ASTN2: variants seen among roughly 807,000 people sequenced by gnomAD.
ASTN2 encodes astrotactin 2.
A neutral mutation model predicts 139.8 loss-of-function variants in ASTN2; 54 were observed. The ratio of observed to expected loss-of-function variants is 0.39; its 90% CI spans 0.31 to 0.48. ASTN2 has a LOEUF of 0.48. Ranked by LOEUF, ASTN2 falls within the 20% of genes least tolerant of loss-of-function variation. The pLI is 0.95. For missense variants in ASTN2, 1,565 were observed against 1,725.1 expected, an observed-to-expected ratio of 0.91 and a Z score of 1.64; for synonymous variants, 756 against 719.5, an observed-to-expected ratio of 1.05 and a Z score of -0.81.
At position 117,009,019 on chromosome 9, in the gene ASTN2, C is replaced by G. The variant is rs752580005; in HGVS notation, c.1424-760G>C. ...CCAAGAAAAAAATGCCCTGATGTGG[C>G]AAAACAATAGGGAGAAGGAGAAGGT... On this transcript the variant is annotated intron_variant, in intron 6 of 22. Coordinates refer to ENST00000313400, the MANE Select transcript of ASTN2 (RefSeq NM_001365068.1). Among the ~76,000 whole-genome samples the G allele has an allele frequency of 3.5e-4, 54 of 152,180 alleles. 1 individual carries two copies. Among genetic ancestry groups the G allele is most frequent in the Admixed American group, 2.0e-4 (3 of 15,288 alleles).
intron 10 of ASTN2, among the ~76,000 whole-genome samples, chr9:116,934,729 G>A (rs1588423378): frequency 1.3e-5 from 2 of 152,146 alleles, no homozygotes; most frequent in Admixed American, 1.3e-4. Context: ...GTTTACCTAT[G>A]TAACAAACCT....
In ASTN2 at chr9:116,559,547, T is replaced by A. The variant is rs1021035188; in HGVS notation, c.3355+58777A>T. ...TGTCTAACTGCAGAAGTAGGAAGTATGATGATGGGGATGTTGTCTGTGAAT... is the reference window on the plus strand; with the variant it reads ...TGTCTAACTGCAGAAGTAGGAAGTAAGATGATGGGGATGTTGTCTGTGAAT... On this transcript the variant is annotated intron_variant, in intron 19 of 22. Transcript: ENST00000313400. Among the ~76,000 whole-genome samples, 5 of 152,304 alleles carry A rather than the reference T, an allele frequency of 3.3e-5. No homozygotes were observed. The East Asian group carries it at 7.7e-4, about 24-fold the overall frequency.
intron 6 of ASTN2, among the ~76,000 whole-genome samples, chr9:117,036,376 T>C (rs1838385071): frequency 6.6e-6 from 1 of 152,218 alleles, no homozygotes; most frequent in Non-Finnish European, 1.5e-5. Context: ...TTTTCTTTTG[T>C]ATTAATTATA....
chr9:116,999,513 T>C (rs1837124104), intron 7 of ASTN2, among the ~76,000 whole-genome samples: 1 of 151,634 alleles, frequency 6.6e-6, no homozygotes, highest in Non-Finnish European at 1.5e-5. Context: ...TTAGTAATTA[T>C]TTTCTTTCTT....
At chr9:116,816,313 A>G (rs971089542) in intron 12 of ASTN2, among the ~76,000 whole-genome samples, 14 of 152,154 alleles carry the variant, frequency 9.2e-5, no homozygotes, top group Non-Finnish European at 7.4e-5. Flanking sequence ...GACTGGTTCT[A>G]AGGATTTATT....
intron 6 of ASTN2, among the ~76,000 whole-genome samples, chr9:117,037,829 G>T (rs1352053839): frequency 1.3e-5 from 2 of 151,976 alleles, no homozygotes; most frequent in Non-Finnish European, 2.9e-5. Context: ...CCACTTCCAG[G>T]TTCTGACAAT....
rs143295727 is a variant in ASTN2, at chr9:116,573,013, G to GCACACA, written c.3355+45305_3355+45310dup. Among the ~76,000 whole-genome samples the GCACACA allele has an allele frequency of 3.5e-3, 478 of 136,928 alleles. 4 individuals carry two copies. The highest frequency in any genetic ancestry group is 0.011 in the South Asian group (49 of 4,520). The allele number at this position is 136,928 out of a possible 152,430, so 89.8% of individuals were successfully genotyped here. ...CATGCGTGCACACATGTGGGTACAT[G>GCACACA]CACACACACACACACACACACATAT... On this transcript the variant is annotated intron_variant, in intron 19 of 22. Transcript: ENST00000313400.
intron 19 of ASTN2, chr9:116,547,345 T>C (rs1004333132): frequency 2.6e-5 from 4 of 152,278 alleles, no homozygotes; most frequent in African/African-American, 9.6e-5. Context: ...AGCATCAATT[T>C]ACAGAGGAGG....
Position 117,220,255 on chromosome 9 carries a change from G to A in ASTN2, c.631-5513C>T, listed in dbSNP as rs149042983. 1.3e-3 allele frequency among the ~76,000 whole-genome samples: 194 copies of A among 152,050 alleles called. 1 individual carries two copies. Among genetic ancestry groups the A allele is most frequent in the African/African-American group, 4.4e-3 (184 of 41,468 alleles). On this transcript the variant is annotated intron_variant, in intron 2 of 22. Transcript: ENST00000313400. The stretch of plus-strand genomic sequence containing the variant: ...AATAATGTCCAGGTTCCCTAGCCTG[G>A]TACACAAAACCCCTCATGACTGGGT...
chr9:117,308,180 G>A (rs1835049907), intron 1 of ASTN2, among the ~76,000 whole-genome samples: 1 of 152,124 alleles, frequency 6.6e-6, no homozygotes. Context: ...ACCTGGCCAG[G>A]AAGCCAAAGC....
rs183168891 is a variant in ASTN2, at chr9:117,289,381, C to T, written c.630+1945G>A. ...TCTGGGTCTTAGTGAGTTATTATTT[C>T]GAAGCTGAACTCACTGAGCAAAAGG... On this transcript the variant is annotated intron_variant, in intron 2 of 22. Transcript: ENST00000313400. 2.0e-3 allele frequency among the ~76,000 whole-genome samples: 310 copies of T among 152,222 alleles called. 2 individuals are homozygous for T. Among genetic ancestry groups the T allele is most frequent in the African/African-American group, 7.1e-3 (294 of 41,538 alleles).
chr9:116,520,631 A>C (rs1338304505), intron 19 of ASTN2, among the ~76,000 whole-genome samples: 2 of 152,164 alleles, frequency 1.3e-5, no homozygotes, highest in Non-Finnish European at 2.9e-5. Flanking sequence ...TGTTCAACAT[A>C]GTAGTGGAAG....
At chr9:116,467,294 G>A (rs1848678049) in intron 20 of ASTN2, among the ~76,000 whole-genome samples, 1 of 152,046 alleles carries the variant, frequency 6.6e-6, no homozygotes, top group Non-Finnish European at 1.5e-5. Flanking sequence ...TTGAGACAGA[G>A]TCTCGCTCTG....
intron 1 of ASTN2, among the ~76,000 whole-genome samples, chr9:117,294,578 C>T (rs10118276): frequency 0.42 from 64,109 of 152,086 alleles, 14,201 homozygotes; most frequent in East Asian, 0.57. Context: ...GCTCAGAACA[C>T]GGAGTTAAAT....
intron 3 of ASTN2, among the ~76,000 whole-genome samples, chr9:117,206,153 G>A (rs1223953129): frequency 1.3e-5 from 2 of 152,120 alleles, no homozygotes; most frequent in East Asian, 1.9e-4. Context: ...GAGTGTCGTC[G>A]AAGGCAGAGC....
At chr9:117,092,968 C>T (rs965066064) in intron 5 of ASTN2, among the ~76,000 whole-genome samples, 48 of 152,214 alleles carry the variant, frequency 3.2e-4, no homozygotes, top group African/African-American at 1.1e-3. Context: ...AGGAGAGAAA[C>T]AGGAAAGGGG....
At chr9:117,009,659 C>A (rs537154329) in intron 6 of ASTN2, among the ~76,000 whole-genome samples, 153 of 152,322 alleles carry the variant, frequency 1.0e-3, no homozygotes, top group Non-Finnish European at 1.5e-3. Flanking sequence ...GACTCAGCTT[C>A]TCTCCTTGTT....
At chr9:116,795,734 T>C (rs903397822) in intron 13 of ASTN2, among the ~76,000 whole-genome samples, 1 of 152,188 alleles carries the variant, frequency 6.6e-6, no homozygotes, top group African/African-American at 2.4e-5. Context: ...GTATGGCTCC[T>C]GGAACTGGGG....
chr9:116,844,599 G>GAA (rs544166495), intron 11 of ASTN2, among the ~76,000 whole-genome samples: 4 of 127,804 alleles, frequency 3.1e-5, no homozygotes, highest in Admixed American at 7.9e-5. Context: ...TGCTACGGAG[G>GAA]AAAAAAAAAA....
Sources: gnomAD v4.1 joint callset for allele counts (sites outside exome capture counted in the v4.1 genomes callset) on GRCh38, gnomAD v4.1.1 for gene constraint, MANE v1.5 for transcripts, NCBI Gene and HGNC (gene_info 2026-07-23, HGNC 2026-07-21) for gene names.